The following RIF1 variants were observed in gnomAD, a reference collection of about 807,000 sequenced individuals.
The protein encoded by RIF1 is telomere-associated protein RIF1.
A neutral mutation model predicts 247.1 loss-of-function variants in RIF1; 45 were observed. The observed-to-expected ratio is 0.18, with a 90% confidence interval of 0.14 to 0.23. RIF1 has a LOEUF of 0.23. RIF1 is among the 10% of genes least tolerant of loss of function. The probability of loss-of-function intolerance (pLI) is 1.00; values close to 1 mark genes in which losing one functional copy is unlikely to be tolerated. For synonymous variants in RIF1, 1,087 were observed against 978.8 expected, an observed-to-expected ratio of 1.11 and a Z score of -2.06; for missense variants, 2,967 against 2,862.5, an observed-to-expected ratio of 1.04 and a Z score of -0.83.
chr2:151,437,335 T>C lies in RIF1; in HGVS notation c.1467T>C (p.Val489=), dbSNP rs755299489. The stretch of plus-strand genomic sequence containing the variant: ...CTGTTCATGATAGCTTTGTTGCAGT[T>C]GGAAAAGATGCCCCCGGTAAGAGAA... ...ITAVHDSFVA[V]GKDAPDVVVS... The change falls in exon 13 of 36, where the codon GTT becomes GTC. Residue 489 remains valine (V), a synonymous_variant. Coordinates refer to ENST00000444746, the MANE Select transcript of RIF1 (RefSeq NM_018151.5). 9.3e-6 allele frequency: 15 copies of C among 1,611,352 alleles called. No individual in the cohort carries two copies. The highest frequency in any genetic ancestry group is 1.2e-5 in the Non-Finnish European group (14 of 1,177,862).
chr2:151,416,699 T>C lies in RIF1; in HGVS notation c.408+11T>C, dbSNP rs928725428. The C allele has an allele frequency of 3.7e-6, 6 of 1,611,228 alleles. No individual in the cohort carries two copies. Among genetic ancestry groups the C allele is most frequent in the Non-Finnish European group, 5.1e-6 (6 of 1,179,294 alleles). On this transcript the variant is annotated intron_variant, in intron 5 of 35. Transcript: ENST00000444746. ...GTGGTTGGCAAAATGGTGAGTATAG[T>C]TTTTGGGTATGCCATCTTAACTATA...
Position 151,409,939 on chromosome 2 carries a change from C to G in RIF1, c.-105C>G, listed in dbSNP as rs929211903. 4 of 701,128 alleles carry G rather than the reference C, an allele frequency of 5.7e-6. No homozygotes were observed. The highest frequency in any genetic ancestry group is 1.0e-5 in the Non-Finnish European group (4 of 384,406). The allele number at this position is 701,128 out of a possible 1,614,324, so 43.4% of individuals were successfully genotyped here. ...GGTCTAGGAGGGAGCGCGCCGCACGCGTGAGTAAACAGCCGGAGCTGGGAA... is the reference window on the plus strand; with the variant it reads ...GGTCTAGGAGGGAGCGCGCCGCACGGGTGAGTAAACAGCCGGAGCTGGGAA... On this transcript the variant is annotated 5_prime_UTR_variant, in exon 1 of 36. Coordinates refer to ENST00000444746, the MANE Select transcript of RIF1 (RefSeq NM_018151.5).
At chr2:151,487,901 A>G (rs959939497) in intron 9 of RIF1, among the ~76,000 whole-genome samples, 4 of 152,136 alleles carry the variant, frequency 2.6e-5, no homozygotes, top group African/African-American at 9.7e-5. Context: ...GTGAGCCACT[A>G]TTCCTGACCT....
chr2:151,465,356 A>G lies in RIF1; in HGVS notation c.5836A>G (p.Asn1946Asp). The G allele has an allele frequency of 6.2e-7, 1 of 1,613,868 alleles. No homozygotes were observed. The highest frequency in any genetic ancestry group is 1.3e-5 in the African/African-American group (1 of 75,014). ...TTCTGAAGAAGCAGCAATAGAAGAA[A>G]ATAAAAGAAATGATGACTCTGAAGC... ...GISEEAAIEE[N>D]KRNDDSEADT... Residue 1946 changes from asparagine (N) to aspartate (D), a missense_variant, in exon 30 of 36, where the codon AAT becomes GAT. Asn to Asp is a conservative substitution (Grantham distance 23). Around this residue, in one of 7 missense-constraint regions of RIF1, gnomAD observed 2,028 missense variants for 1,825.6 expected, o/e 1.11. Transcript: ENST00000444746.
intron 12 of RIF1, among the ~76,000 whole-genome samples, chr2:151,503,756 C>T (rs1323863968): frequency 6.6e-6 from 1 of 152,084 alleles, no homozygotes; most frequent in Non-Finnish European, 1.5e-5. Context: ...GCTTTGGTGC[C>T]TCAAATATAG....
chr2:151,437,790 G>T (rs921708420), intron 13 of RIF1, among the ~76,000 whole-genome samples: 5 of 152,072 alleles, frequency 3.3e-5, no homozygotes. Context: ...TTTAATTTTC[G>T]CAGTAACATA....
chr2:151,530,953 G>A, the RIF1 span: 1 of 1,332,704 alleles, frequency 7.5e-7, no homozygotes, highest in Non-Finnish European at 1.1e-6. Flanking sequence ...ATTAGAAGGA[G>A]GCCAAGATGA....
chr2:151,449,533 C>T lies in RIF1; in HGVS notation c.2245-2073C>T, dbSNP rs552240670. 3.8e-4 allele frequency among the ~76,000 whole-genome samples: 58 copies of T among 152,216 alleles called. 1 individual carries two copies. Among genetic ancestry groups the T allele is most frequent in the African/African-American group, 1.3e-3 (56 of 41,538 alleles). ...TTCACAGGCACCATGCACACTACAG[C>T]CTCCACCTCCTGGGTTCAAGCAGTC... is the stretch of plus-strand genomic sequence containing the variant. On this transcript the variant is annotated intron_variant, in intron 20 of 35. Coordinates refer to ENST00000444746, the MANE Select transcript of RIF1 (RefSeq NM_018151.5).
Position 151,420,316 on chromosome 2 carries a change from A to C in RIF1, c.630A>C (p.Gly210=). Residue 210 remains glycine, a synonymous_variant, in exon 7 of 36, where the codon GGA becomes GGC. Transcript: ENST00000444746. ...GGGGAGCAACTGCTCTGGAGATGGG[A>C]ATGCCATTATTGCTTCAGAAACAGC... ...HLRGATALEM[G]MPLLLQKQQE... 1 of 1,614,174 alleles carries C rather than the reference A, an allele frequency of 6.2e-7. No individual in the cohort carries two copies. Among genetic ancestry groups the C allele is most frequent in the African/African-American group, 1.3e-5 (1 of 75,050 alleles).
At chr2:151,462,559 T>C (rs1338924471) in intron 29 of RIF1, 93 bp downstream of exon 29, 1 of 794,084 alleles carries the variant, frequency 1.3e-6, no homozygotes, top group Non-Finnish European at 2.0e-6. Flanking sequence ...GTCTTCCCTT[T>C]ATTAATTTTA....
At chr2:151,483,737 G>T (rs1277790264), downstream of RIF1, among the ~76,000 whole-genome samples, 2 of 152,182 alleles carry the variant, frequency 1.3e-5, no homozygotes, top group African/African-American at 4.8e-5. Flanking sequence ...TTAGGAAACA[G>T]GCTGTACAGC....
chr2:151,447,762 C>T (rs1693576461), intron 20 of RIF1, among the ~76,000 whole-genome samples: 1 of 152,108 alleles, frequency 6.6e-6, no homozygotes, highest in African/African-American at 2.4e-5. Flanking sequence ...CCAGGCTGGT[C>T]TCGAATTCTT....
exon 14 of RIF1, chr2:151,507,860 G>A (rs965741313): frequency 5.4e-5 from 34 of 630,820 alleles, no homozygotes; most frequent in Non-Finnish European, 8.5e-5. Context: ...GCCCAGAGAT[G>A]AATTGGGCAC....
intron 11 of RIF1, among the ~76,000 whole-genome samples, chr2:151,500,628 C>T (rs1292565491): frequency 7.5e-6 from 1 of 132,666 alleles, no homozygotes; most frequent in Non-Finnish European, 1.6e-5. Flanking sequence ...CAGGGTCTCA[C>T]TCCTGTTGCC....
At chr2:151,532,181 CCACCTCCCAGATT>C in the RIF1 span, 2 of 250,638 alleles carry the variant, frequency 8.0e-6, no homozygotes, top group African/African-American at 4.5e-5. Flanking sequence ...ACTGCAACCT[CCACCTCCCAGATT>C]CAAGCAATTC....
In RIF1 at chr2:151,470,521, T is replaced by C. The variant is rs185786959; in HGVS notation, c.7095+657T>C. ...GCCCTAATCTGTAAATCCAAAACGC[T>C]CATTAGAGAATTTGGGCATCATGTC... On this transcript the variant is annotated intron_variant, in intron 34 of 35. Coordinates refer to ENST00000444746, the MANE Select transcript of RIF1 (RefSeq NM_018151.5). Among the ~76,000 whole-genome samples the C allele has an allele frequency of 1.6e-4, 24 of 152,312 alleles. No individual in the cohort carries two copies. The East Asian group carries it at 2.7e-3, about 17-fold the overall frequency.
At position 151,475,883 on chromosome 2, in the gene RIF1, A is replaced by G. The variant is rs1384929047; in HGVS notation, c.*812A>G. The G allele has an allele frequency of 1.3e-5, 2 of 152,584 alleles. No individual in the cohort carries two copies. The highest frequency in any genetic ancestry group is 4.8e-5 in the African/African-American group (2 of 41,442). 9.5% of individuals were successfully genotyped at this position (152,584 alleles called of 1,614,324 possible). The stretch of plus-strand genomic sequence containing the variant: ...GTTCTGTTCAATAGAAACATTTTGT[A>G]TATATTAAATACTGAAATATCAGTA... On this transcript the variant is annotated 3_prime_UTR_variant, in exon 36 of 36. Transcript: ENST00000444746.
Position 151,469,853 on chromosome 2 carries a change from C to T in RIF1, c.7084C>T (p.His2362Tyr). 1.2e-6 allele frequency: 2 copies of T among 1,600,834 alleles called. No individual in the cohort carries two copies. Among genetic ancestry groups the T allele is most frequent in the Admixed American group, 1.8e-5 (1 of 56,888 alleles). Residue 2362 changes from histidine to tyrosine, a missense_variant, in exon 34 of 36, where the codon CAT becomes TAT. By Grantham distance (83) the His-to-Tyr change is moderately conservative. This residue lies in a region of RIF1 where 151 missense variants were observed against 163.4 expected (regional missense o/e 0.92). Coordinates refer to ENST00000444746, the MANE Select transcript of RIF1 (RefSeq NM_018151.5). ...SNVKKALRIY[H>Y]EQQVKTRGLE... Reference sequence around the variant, plus strand: ...TGTAAAAAAGGCTCTCAGAATATATCATGAGCAGCAGGTAAAAACTTAGAT... The same window carrying T: ...TGTAAAAAAGGCTCTCAGAATATATTATGAGCAGCAGGTAAAAACTTAGAT...
intron 34 of RIF1, among the ~76,000 whole-genome samples, chr2:151,473,068 A>G (rs952867923): frequency 3.9e-5 from 6 of 152,062 alleles, no homozygotes; most frequent in Admixed American, 2.0e-4. Flanking sequence ...CAGTTGACAG[A>G]CATTTGGGTT....
Sources: gnomAD v4.1 joint callset for allele counts (sites outside exome capture counted in the v4.1 genomes callset) on GRCh38, gnomAD v4.1.1 for gene constraint, gnomAD v4.1.1 regional missense constraint, MANE v1.5 for transcripts, NCBI Gene and HGNC (gene_info 2026-07-23, HGNC 2026-07-21) for gene names.